OSBPL10: variants seen among roughly 807,000 people sequenced by gnomAD.
The protein encoded by OSBPL10 is oxysterol-binding protein-related protein 10.
In OSBPL10, 49 loss-of-function variants were observed where a neutral mutation model predicts 81.7. The observed-to-expected ratio is 0.60, with a 90% confidence interval of 0.48 to 0.76. The LOEUF (loss-of-function observed/expected upper bound fraction) is 0.76, where lower values mean the gene tolerates loss of function less well. OSBPL10 is among the 30% of genes least tolerant of loss of function. OSBPL10 has a pLI of 0.00. For missense variants in OSBPL10, 923 were observed against 987.8 expected, an observed-to-expected ratio of 0.93 and a Z score of 0.88; for synonymous variants, 419 against 383.6, an observed-to-expected ratio of 1.09 and a Z score of -1.08.
chr3:31,714,093 T>G (rs1292625068), intron 6 of OSBPL10: 1 of 152,190 alleles, frequency 6.6e-6, no homozygotes, highest in Non-Finnish European at 1.5e-5. Flanking sequence ...AGCAACGATA[T>G]GATTGCACAC....
At chr3:32,004,825 T>C (rs1205369383) in intron 2 of OSBPL10, among the ~76,000 whole-genome samples, 1 of 152,184 alleles carries the variant, frequency 6.6e-6, no homozygotes, top group African/African-American at 2.4e-5. Context: ...AAGAAAAGGA[T>C]AGCTAGAATT....
chr3:31,739,713 C>T (rs188677422), intron 5 of OSBPL10, among the ~76,000 whole-genome samples: 5 of 152,326 alleles, frequency 3.3e-5, no homozygotes, highest in Admixed American at 6.5e-5. Flanking sequence ...TGGCCCCAGG[C>T]TGGACTCTTG....
At chr3:31,971,518 T>C (rs1195289125) in intron 1 of OSBPL10, among the ~76,000 whole-genome samples, 1 of 152,182 alleles carries the variant, frequency 6.6e-6, no homozygotes, top group African/African-American at 2.4e-5. Context: ...CAAAACTCTA[T>C]GACACAGACA....
intron 1 of OSBPL10, among the ~76,000 whole-genome samples, chr3:31,882,441 C>A (rs180707140): frequency 4.6e-5 from 7 of 152,168 alleles, no homozygotes; most frequent in Non-Finnish European, 8.8e-5. Context: ...AATGGAAAAT[C>A]TTGGGCCCCA....
chr3:31,797,822 T>A (rs1699271117), intron 4 of OSBPL10: 2 of 456,338 alleles, frequency 4.4e-6, no homozygotes. Flanking sequence ...ACACATGTTG[T>A]TGAGCATACA....
At chr3:31,898,436 C>T (rs1268630716) in intron 1 of OSBPL10, among the ~76,000 whole-genome samples, 3 of 151,970 alleles carry the variant, frequency 2.0e-5, no homozygotes, top group Admixed American at 6.6e-5. Flanking sequence ...AAAACACTCT[C>T]AGGATGGGTA....
chr3:32,059,432 C>CA lies in OSBPL10; in HGVS notation n.186-12830dup, dbSNP rs551278298. 2.0e-3 allele frequency among the ~76,000 whole-genome samples: 296 copies of CA among 149,638 alleles called. 3 individuals are homozygous for CA. The Middle Eastern group carries it at 0.034, about 17-fold the overall frequency. ...TGAAACCCCACCTCTACTAAAAATA[C>CA]AAAAAAAAATTAGCCAGGCGTGGTG... On this transcript the variant is annotated intron_variant and non_coding_transcript_variant, in intron 1 of 3. Coordinates refer to the OSBPL10 transcript ENST00000479173.
chr3:31,833,688 AACACGC>A (rs57555641), intron 3 of OSBPL10, among the ~76,000 whole-genome samples: 32 of 141,634 alleles, frequency 2.3e-4, no homozygotes, highest in African/African-American at 8.2e-4. Flanking sequence ...TTGTAGGGAA[AACACGC>A]ACACGCACAC....
upstream of OSBPL10, among the ~76,000 whole-genome samples, chr3:31,983,651 G>A (rs7646462): frequency 0.32 from 48,036 of 152,000 alleles, 10,253 homozygotes; most frequent in African/African-American, 0.6. Flanking sequence ...TGGTGACACT[G>A]TTCCCTGCTC....
intron 5 of OSBPL10, among the ~76,000 whole-genome samples, chr3:31,741,834 A>G (rs9825170): frequency 0.41 from 62,204 of 151,842 alleles, 13,071 homozygotes; most frequent in Middle Eastern, 0.55. Flanking sequence ...TGTTTTCATG[A>G]TGGTGAATGG....
intron 1 of OSBPL10, among the ~76,000 whole-genome samples, chr3:32,055,273 G>A (rs1465479580): frequency 3.6e-5 from 5 of 140,578 alleles, no homozygotes; most frequent in South Asian, 2.2e-4. Context: ...GCGGGATCTC[G>A]GCTCACTGCA....
chr3:32,073,358 A>G (rs1248977789), intron 1 of OSBPL10, among the ~76,000 whole-genome samples: 1 of 151,982 alleles, frequency 6.6e-6, no homozygotes, highest in Non-Finnish European at 1.5e-5. Context: ...TGACCCCTCA[A>G]ACTCTACAAC....
intron 2 of OSBPL10, among the ~76,000 whole-genome samples, chr3:31,993,208 T>C (rs1230024352): frequency 6.6e-6 from 1 of 150,666 alleles, no homozygotes; most frequent in Non-Finnish European, 1.5e-5. Context: ...TTTTATTTTA[T>C]TTTATTTTAT....
chr3:31,747,825 G>T, intron 5 of OSBPL10, 85 bp downstream of exon 5: 2 of 1,353,754 alleles, frequency 1.5e-6, no homozygotes, highest in Non-Finnish European at 2.1e-6. Context: ...TAGAGAAATG[G>T]ATGGAATTAA....
At chr3:32,032,046 G>C (rs575208542) in intron 2 of OSBPL10, among the ~76,000 whole-genome samples, 2 of 152,156 alleles carry the variant, frequency 1.3e-5, no homozygotes, top group East Asian at 3.9e-4. Flanking sequence ...AGTACTTTGG[G>C]AGGCTGAGGC....
At chr3:31,889,653 G>C (rs1695837520) in intron 1 of OSBPL10, among the ~76,000 whole-genome samples, 1 of 152,056 alleles carries the variant, frequency 6.6e-6, no homozygotes, top group South Asian at 2.1e-4. Flanking sequence ...CTAGGGGCTG[G>C]GAAGGGTTGG....
At chr3:31,972,573 C>T (rs1698594698) in intron 1 of OSBPL10, among the ~76,000 whole-genome samples, 1 of 151,546 alleles carries the variant, frequency 6.6e-6, no homozygotes, top group Admixed American at 6.6e-5. Context: ...CTCGATTGCC[C>T]TGAACACAAG....
chr3:31,910,200 C>T lies in OSBPL10; in HGVS notation c.282-30370G>A, dbSNP rs187614714. The stretch of plus-strand genomic sequence containing the variant: ...TTCACCATGTTGGCCAGGATGGTCT[C>T]GATCTCTTTACCTTGTGATCTGCCC... On this transcript the variant is annotated intron_variant, in intron 1 of 11. Coordinates refer to ENST00000396556, the MANE Select transcript of OSBPL10 (RefSeq NM_017784.5). 6.7e-4 allele frequency among the ~76,000 whole-genome samples: 101 copies of T among 150,086 alleles called. 1 individual carries two copies. In the East Asian group the frequency reaches 0.02, roughly 30 times the overall value.
chr3:31,707,184 T>G (rs1230113597), intron 6 of OSBPL10: 1 of 152,234 alleles, frequency 6.6e-6, no homozygotes, highest in Non-Finnish European at 1.5e-5. Flanking sequence ...CATTTTGCCT[T>G]TGGACAGGGA....
Sources: gnomAD v4.1 joint callset for allele counts (sites outside exome capture counted in the v4.1 genomes callset) on GRCh38, gnomAD v4.1.1 for gene constraint, MANE v1.5 for transcripts, NCBI Gene and HGNC (gene_info 2026-07-23, HGNC 2026-07-21) for gene names.